WDR70: variants seen among roughly 807,000 people sequenced by gnomAD.
WDR70 encodes the protein WD repeat domain 70.
Under a neutral mutation model 88.6 loss-of-function variants are expected in WDR70, and 53 were observed. The ratio of observed to expected loss-of-function variants is 0.60; its 90% CI spans 0.48 to 0.75. The LOEUF (loss-of-function observed/expected upper bound fraction) is 0.75. WDR70 is among the 30% of genes least tolerant of loss of function. WDR70 has a pLI of 0.00. For synonymous variants in WDR70, 280 were observed against 270.0 expected, an observed-to-expected ratio of 1.04 and a Z score of -0.36; for missense variants, 610 against 823.2, an observed-to-expected ratio of 0.74 and a Z score of 3.17.
intron 9 of WDR70, among the ~76,000 whole-genome samples, chr5:37,529,805 T>C (rs1037470157): frequency 1.3e-5 from 2 of 152,108 alleles, no homozygotes; most frequent in Non-Finnish European, 2.9e-5. Flanking sequence ...TCAATTTGGA[T>C]GCCTTGATTT....
intron 9 of WDR70, among the ~76,000 whole-genome samples, chr5:37,604,104 A>G (rs569379150): frequency 1.7e-4 from 26 of 152,230 alleles, no homozygotes; most frequent in African/African-American, 5.5e-4. Context: ...CATTTGTAGT[A>G]TTCTTCTTTT....
At chr5:37,668,061 AAAAC>A (rs377088046) in intron 10 of WDR70, among the ~76,000 whole-genome samples, 31 of 152,252 alleles carry the variant, frequency 2.0e-4, no homozygotes, top group African/African-American at 7.2e-4. Context: ...TGATGTTACA[AAAAC>A]AAACAAAGCA....
intron 9 of WDR70, among the ~76,000 whole-genome samples, chr5:37,582,788 T>A (rs937380399): frequency 6.6e-6 from 1 of 152,264 alleles, no homozygotes; most frequent in Non-Finnish European, 1.5e-5. Context: ...TCTGTGATTG[T>A]TGGTGTAATC....
chr5:37,462,216 C>CT (rs1397966712), intron 7 of WDR70, among the ~76,000 whole-genome samples: 1 of 151,968 alleles, frequency 6.6e-6, no homozygotes, highest in Admixed American at 6.6e-5. Context: ...TATTTATATT[C>CT]TTTTTTTGCA....
At chr5:37,507,090 A>G (rs1262035451) in intron 8 of WDR70, among the ~76,000 whole-genome samples, 2 of 152,180 alleles carry the variant, frequency 1.3e-5, no homozygotes, top group Non-Finnish European at 2.9e-5. Flanking sequence ...AACAAACTTA[A>G]ACTTAAATTT....
At chr5:37,527,557 C>G (rs1265729033) in intron 9 of WDR70, among the ~76,000 whole-genome samples, 1 of 152,128 alleles carries the variant, frequency 6.6e-6, no homozygotes, top group Non-Finnish European at 1.5e-5. Flanking sequence ...CAATACAATT[C>G]AGGACATAGG....
chr5:37,599,060 A>G (rs535609772), intron 9 of WDR70, among the ~76,000 whole-genome samples: 1 of 152,340 alleles, frequency 6.6e-6, no homozygotes, highest in African/African-American at 2.4e-5. Flanking sequence ...CACTTTAGAG[A>G]TCTTGGTTTA....
chr5:37,569,144 A>G (rs1742828902), intron 9 of WDR70, among the ~76,000 whole-genome samples: 1 of 152,232 alleles, frequency 6.6e-6, no homozygotes, highest in South Asian at 2.1e-4. Flanking sequence ...AGGCTATTGC[A>G]GAATTATGAG....
At chr5:37,565,777 A>G in intron 9 of WDR70, among the ~76,000 whole-genome samples, 1 of 152,092 alleles carries the variant, frequency 6.6e-6, no homozygotes, top group East Asian at 1.9e-4. Context: ...AAGCCTGTGG[A>G]TATTTAGATT....
chr5:37,576,432 T>A, intron 9 of WDR70, among the ~76,000 whole-genome samples: 1 of 152,134 alleles, frequency 6.6e-6, no homozygotes, highest in East Asian at 1.9e-4. Context: ...GTCCATTGTA[T>A]GTAATTTGGG....
intron 5 of WDR70, among the ~76,000 whole-genome samples, chr5:37,415,380 T>C (rs1581260392): frequency 7.8e-5 from 10 of 128,070 alleles, no homozygotes; most frequent in South Asian, 2.8e-4. Flanking sequence ...ACCCCTCACC[T>C]CCCGGACGGG....
chr5:37,653,278 CG>C (rs1251516969), intron 10 of WDR70, among the ~76,000 whole-genome samples: 1 of 152,090 alleles, frequency 6.6e-6, no homozygotes, highest in Non-Finnish European at 1.5e-5. Flanking sequence ...CCTTGCATCC[CG>C]GGGATGAAGC....
Position 37,429,330 on chromosome 5 carries a change from T to A in WDR70, c.493-8592T>A, listed in dbSNP as rs6891583. ...TGCCTTTTATTTTCCTGATCATGTC[T>A]GTTGAGGATAGAAATTTTAAATTTT... On this transcript the variant is annotated intron_variant, in intron 5 of 17. Coordinates refer to ENST00000265107, the MANE Select transcript of WDR70 (RefSeq NM_018034.4). Among the ~76,000 whole-genome samples, 192 of 152,330 alleles carry A rather than the reference T, an allele frequency of 1.3e-3. 1 individual carries two copies. The highest frequency in any genetic ancestry group is 4.5e-3 in the African/African-American group (187 of 41,582).
chr5:37,394,847 G>A (rs1457460779), intron 4 of WDR70, among the ~76,000 whole-genome samples: 1 of 152,188 alleles, frequency 6.6e-6, no homozygotes, highest in Admixed American at 6.5e-5. Context: ...CTCAAATGTA[G>A]AAACTCAGAT....
chr5:37,431,146 G>A (rs1216192701), intron 5 of WDR70, among the ~76,000 whole-genome samples: 2 of 152,198 alleles, frequency 1.3e-5, no homozygotes, highest in Non-Finnish European at 2.9e-5. Context: ...GAGCCCCTGT[G>A]CCTGGCCATA....
At chr5:37,625,535 TG>T (rs1231217016) in intron 10 of WDR70, among the ~76,000 whole-genome samples, 1 of 152,108 alleles carries the variant, frequency 6.6e-6, no homozygotes, top group African/African-American at 2.4e-5. Flanking sequence ...TTATTTTTAT[TG>T]TTTTTTGAGG....
At chr5:37,739,364 T>C (rs1748400297) in intron 17 of WDR70, among the ~76,000 whole-genome samples, 2 of 152,352 alleles carry the variant, frequency 1.3e-5, no homozygotes, top group East Asian at 3.9e-4. Flanking sequence ...AATCCCTTTA[T>C]AGGCTTTTGC....
At chr5:37,684,809 GC>G (rs1746532982) in intron 10 of WDR70, among the ~76,000 whole-genome samples, 1 of 152,232 alleles carries the variant, frequency 6.6e-6, no homozygotes, top group South Asian at 2.1e-4. Context: ...TAGCAGCAGT[GC>G]AGGGGGCTGG....
At chr5:37,692,131 A>T (rs546042345) in intron 10 of WDR70, among the ~76,000 whole-genome samples, 2 of 152,188 alleles carry the variant, frequency 1.3e-5, no homozygotes, top group Non-Finnish European at 2.9e-5. Context: ...TCCTGGACAC[A>T]TACACCACCC....
Sources: allele counts gnomAD v4.1 joint callset (sites outside exome capture counted in the v4.1 genomes callset), GRCh38; gene constraint gnomAD v4.1.1; transcripts MANE v1.5; gene names NCBI Gene and HGNC (gene_info 2026-07-23, HGNC 2026-07-21).